THRAP3: variants seen among roughly 807,000 people sequenced by gnomAD.
The protein encoded by THRAP3 is thyroid hormone receptor associated protein 3, also known as thyroid hormone receptor-associated protein 3.
THRAP3 carries 16 observed loss-of-function variants against 101.0 expected under a neutral mutation model. That is an observed-to-expected ratio of 0.16 (90% CI 0.11 to 0.24). The LOEUF (loss-of-function observed/expected upper bound fraction) is 0.24. Among genes scored for constraint, THRAP3 ranks in the 10% least tolerant of loss-of-function variants. The probability of loss-of-function intolerance (pLI) is 1.00; values close to 1 mark genes in which losing one functional copy is unlikely to be tolerated. For synonymous variants in THRAP3, 407 were observed against 422.6 expected (o/e 0.96, Z 0.45); for missense variants, 989 against 1,202.7 (o/e 0.82, Z 2.63).
chr1:36,302,329 A>G (rs536979207), intron 11 of THRAP3, among the ~76,000 whole-genome samples: 1 of 152,372 alleles, frequency 6.6e-6, no homozygotes, highest in South Asian at 2.1e-4. Context: ...ATCACTTGCC[A>G]AAATGGCTGG....
rs1646089102 is a variant in THRAP3, at chr1:36,305,276, G to C, written c.*1259G>C. 4.9e-6 allele frequency: 1 copy of C among 204,466 alleles called. No homozygotes were observed. The highest frequency in any genetic ancestry group is 7.4e-5 in the East Asian group (1 of 13,568). 12.7% of individuals were successfully genotyped at this position (204,466 alleles called of 1,614,324 possible). ...AGTTGGTTTTACTTGAATGATTCATGTTTAGGGGGAAAATGAAAATCTCCC... is the reference window on the plus strand; with the variant it reads ...AGTTGGTTTTACTTGAATGATTCATCTTTAGGGGGAAAATGAAAATCTCCC... On this transcript the variant is annotated 3_prime_UTR_variant, in exon 12 of 12. Transcript: ENST00000354618.
intron 7 of THRAP3, among the ~76,000 whole-genome samples, chr1:36,293,574 C>G (rs1266925538): frequency 6.6e-6 from 1 of 150,836 alleles, no homozygotes; most frequent in Non-Finnish European, 1.5e-5. Context: ...GTCCATCTTT[C>G]TGTGTGTAGC....
chr1:36,236,859 T>C (rs1645096318), intron 1 of THRAP3, among the ~76,000 whole-genome samples: 1 of 152,142 alleles, frequency 6.6e-6, no homozygotes, highest in Admixed American at 6.6e-5. Flanking sequence ...GGAGTATGCA[T>C]ATATATAACT....
intron 2 of THRAP3, among the ~76,000 whole-genome samples, chr1:36,280,857 A>G (rs1645721979): frequency 6.6e-6 from 1 of 151,974 alleles, no homozygotes; most frequent in Admixed American, 6.6e-5. Context: ...CTGGAGGGGG[A>G]AAAAAGGAAA....
At chr1:36,251,825 G>A (rs1415937553) in intron 1 of THRAP3, among the ~76,000 whole-genome samples, 1 of 152,186 alleles carries the variant, frequency 6.6e-6, no homozygotes, top group African/African-American at 2.4e-5. Flanking sequence ...ACACTGTGAA[G>A]TAGGAACAGT....
At chr1:36,295,748 G>A (rs1034755779) in intron 8 of THRAP3, among the ~76,000 whole-genome samples, 17 of 151,818 alleles carry the variant, frequency 1.1e-4, no homozygotes, top group Non-Finnish European at 7.4e-5. Flanking sequence ...AAATTTGTCA[G>A]TATAACTCAG....
At chr1:36,302,085 G>A (rs550288081) in intron 11 of THRAP3, among the ~76,000 whole-genome samples, 17 of 152,268 alleles carry the variant, frequency 1.1e-4, no homozygotes, top group East Asian at 3.9e-4. Context: ...AAGAAAGACC[G>A]CTCAGGATCT....
In THRAP3 at chr1:36,303,778, A is replaced by C. The variant is rs780370814; in HGVS notation, c.2647-18A>C. ...TCTTGTTCACTCTGGCACTGATGGC[A>C]ATTTTCTTTCCCCTCAGCATGATGA... is the stretch of plus-strand genomic sequence containing the variant. On this transcript the variant is annotated intron_variant, in intron 11 of 11. Coordinates refer to ENST00000354618, the MANE Select transcript of THRAP3 (RefSeq NM_005119.4). 2.5e-6 allele frequency: 4 copies of C among 1,613,886 alleles called. No individual in the cohort carries two copies. In the Admixed American group the frequency reaches 6.7e-5, roughly 27 times the overall value.
intron 2 of THRAP3, among the ~76,000 whole-genome samples, chr1:36,281,556 T>G (rs943604287): frequency 6.7e-6 from 1 of 149,206 alleles, no homozygotes; most frequent in African/African-American, 2.5e-5. Context: ...GCAGAGTGGT[T>G]TTTAAAAATC....
rs6425978 is a variant in THRAP3, at chr1:36,288,866, G to C, written c.1041-194G>C. On this transcript the variant is annotated intron_variant, in intron 4 of 11. Transcript: ENST00000354618. ...GGATCATATATTTTTCTCTTAATTG[G>C]CAAGTTCATAGAACTGTGAATGGCA... The C allele has an allele frequency of 0.99, 973,146 of 985,376 alleles. 481,553 individuals carry two copies. The highest frequency in any genetic ancestry group is 1 in the Non-Finnish European group (829,561 of 829,908). 61.0% of individuals were successfully genotyped at this position (985,376 alleles called of 1,614,324 possible).
chr1:36,241,385 GTATATATATA>G (rs1166260923), intron 1 of THRAP3, among the ~76,000 whole-genome samples: 353 of 8,588 alleles, frequency 0.041, 5 homozygotes, highest in Middle Eastern at 0.12. Context: ...GATAATGGGT[GTATATATATA>G]TATATATATA....
chr1:36,292,767 A>G, intron 7 of THRAP3, 58 bp downstream of exon 7: 1 of 1,327,324 alleles, frequency 7.5e-7, no homozygotes, highest in Non-Finnish European at 1.1e-6. Context: ...TCAGACATTA[A>G]ACTCACCTTG....
the THRAP3 span, among the ~76,000 whole-genome samples, chr1:36,219,102 C>T: frequency 1.3e-5 from 2 of 151,132 alleles, no homozygotes; most frequent in African/African-American, 4.9e-5. Flanking sequence ...GCAAAACAGC[C>T]TTATTGCTGA....
At chr1:36,297,270 G>A (rs1221114630) in intron 9 of THRAP3, among the ~76,000 whole-genome samples, 1 of 152,090 alleles carries the variant, frequency 6.6e-6, no homozygotes, top group African/African-American at 2.4e-5. Context: ...AACAAAGGTG[G>A]CATTGTTGAA....
chr1:36,230,311 T>C (rs9661123), intron 1 of THRAP3, among the ~76,000 whole-genome samples: 119,662 of 150,480 alleles, frequency 0.8, 49,086 homozygotes, highest in East Asian at 0.93. Context: ...AGAGATGGGG[T>C]TTCTCCATGT....
At chr1:36,256,953 G>A (rs1044904024) in intron 1 of THRAP3, among the ~76,000 whole-genome samples, 2 of 151,986 alleles carry the variant, frequency 1.3e-5, no homozygotes, top group Non-Finnish European at 2.9e-5. Context: ...CAGCCACCTC[G>A]CCAGGCTAAT....
At chr1:36,236,129 G>A (rs943440823) in intron 1 of THRAP3, among the ~76,000 whole-genome samples, 2 of 151,226 alleles carry the variant, frequency 1.3e-5, no homozygotes, top group African/African-American at 4.9e-5. Flanking sequence ...GCAGGTGCCT[G>A]TAGTCCCAGC....
At chr1:36,226,534 C>T (rs1644964309) in intron 1 of THRAP3, among the ~76,000 whole-genome samples, 2 of 152,196 alleles carry the variant, frequency 1.3e-5, no homozygotes, top group South Asian at 4.1e-4. Context: ...GCTGGGATTA[C>T]AGGCGTAAGC....
intron 5 of THRAP3, among the ~76,000 whole-genome samples, chr1:36,291,160 TCACTC>T (rs1461602446): frequency 6.6e-6 from 1 of 152,230 alleles, no homozygotes; most frequent in Non-Finnish European, 1.5e-5. Flanking sequence ...GTTTAACACT[TCACTC>T]CACTTGAAGA....
Sources: gnomAD v4.1 joint callset for allele counts (sites outside exome capture counted in the v4.1 genomes callset) on GRCh38, gnomAD v4.1.1 for gene constraint, MANE v1.5 for transcripts, NCBI Gene and HGNC (gene_info 2026-07-23, HGNC 2026-07-21) for gene names.